Variants in COMMD5 observed in about 807,000 individuals in gnomAD.
The protein encoded by COMMD5 is COMM domain containing 5.
A neutral mutation model predicts 6.9 loss-of-function variants in COMMD5; 10 were observed. The ratio of observed to expected loss-of-function variants is 1.44; its 90% CI spans 0.89 to 2.45. The LOEUF (loss-of-function observed/expected upper bound fraction) is 2.45, where lower values mean the gene tolerates loss of function less well. COMMD5 is among the 30% of genes most tolerant of loss of function. The probability of loss-of-function intolerance (pLI) is 0.00; values close to 1 mark genes in which losing one functional copy is unlikely to be tolerated. For missense variants in COMMD5, 234 were observed against 287.8 expected, an observed-to-expected ratio of 0.81 and a Z score of 1.35; for synonymous variants, 127 against 125.3, an observed-to-expected ratio of 1.01 and a Z score of -0.09.
intron 1 of COMMD5, 65 bp from the exon 2 acceptor site, chr8:144,851,460 T>C: frequency 1.9e-6 from 2 of 1,067,622 alleles, no homozygotes; most frequent in East Asian, 2.5e-5. Flanking sequence ...GAGTGAGGGT[T>C]GATATGGTCC....
At position 144,851,309 on chromosome 8, in the gene COMMD5, G is replaced by A. The variant is rs548970524; in HGVS notation, c.30C>T (p.Tyr10=). The change falls in exon 2 of 2, where the codon TAC becomes TAT. Residue 10 remains tyrosine (Y), a synonymous_variant. Transcript: ENST00000305103. MSAVGAATP[Y]LHHPGDSHSG... is the part of the protein sequence containing the mutation. ...TGTGACTATCACCAGGATGATGCAGGTATGGAGTTGCAGCCCCCACAGCAG... is the reference window on the plus strand; with the variant it reads ...TGTGACTATCACCAGGATGATGCAGATATGGAGTTGCAGCCCCCACAGCAG... 6 of 1,612,652 alleles carry A rather than the reference G, an allele frequency of 3.7e-6. No individual in the cohort carries two copies. Among genetic ancestry groups the A allele is most frequent in the Middle Eastern group, 1.7e-4 (1 of 6,052 alleles).
rs748666726 is a variant in COMMD5 at position 144,842,007 on chromosome 8, C to T, written c.*117-264G>A. Reference sequence around the variant, plus strand: ...AACTTATTCAGCATCAAAGAATCCACACTGGGGAGAAGCCCTACAGATGTG... The same window carrying T: ...AACTTATTCAGCATCAAAGAATCCATACTGGGGAGAAGCCCTACAGATGTG... On this transcript the variant is annotated intron_variant and NMD_transcript_variant, in intron 1 of 1. Coordinates refer to the COMMD5 transcript ENST00000530332. The T allele has an allele frequency of 2.5e-5, 40 of 1,614,108 alleles. No individual in the cohort carries two copies. In the African/African-American group the frequency reaches 3.9e-4, roughly 16 times the overall value.
chr8:144,850,012 C>T (rs997298122), downstream of COMMD5, among the ~76,000 whole-genome samples: 9 of 152,146 alleles, frequency 5.9e-5, no homozygotes, highest in African/African-American at 9.6e-5. The surrounding 1 kb of genome is among the most constrained non-coding windows in gnomAD (Gnocchi z 4.0). Flanking sequence ...CCACACTGGC[C>T]GCCTGAGCCC....
chr8:144,851,257 G>A lies in COMMD5; in HGVS notation c.82C>T (p.Gln28Ter). 1 of 1,614,064 alleles carries A rather than the reference G, an allele frequency of 6.2e-7. No homozygotes were observed. Among genetic ancestry groups the A allele is most frequent in the Non-Finnish European group, 8.5e-7 (1 of 1,180,042 alleles). Residue 28 changes from glutamine (Q) to a stop codon, truncating the protein, a stop_gained, in exon 2 of 2, where the codon CAG (glutamine) becomes TAG (stop). Coordinates refer to ENST00000305103, the MANE Select transcript of COMMD5 (RefSeq NM_014066.4). LOFTEE classifies it low-confidence loss of function (END_TRUNC). ...HSGRVSFLGA[Q>*]LPPEVAAMAR... ...ATTGCTGCCACCTCTGGAGGAAGCT[G>A]GGCCCCCAAGAAACTCACTCGGCCA...
chr8:144,842,256 G>C, intron 1 of COMMD5: 1 of 1,614,074 alleles, frequency 6.2e-7, no homozygotes, highest in Non-Finnish European at 8.5e-7. Flanking sequence ...ATCAAAGGAT[G>C]CATACTGGGG....
At chr8:144,843,444 TG>T (rs1563848823) in intron 1 of COMMD5, 2 of 262,198 alleles carry the variant, frequency 7.6e-6, no homozygotes, top group Non-Finnish European at 1.4e-5. Flanking sequence ...AAAATTTAGC[TG>T]GGCGTGGTGG....
intron 1 of COMMD5, chr8:144,842,584 G>A: frequency 6.2e-7 from 1 of 1,614,216 alleles, no homozygotes; most frequent in Middle Eastern, 1.6e-4. Context: ...AATCCACACT[G>A]GAGAGAAACC....
intron 1 of COMMD5, chr8:144,842,890 T>C: frequency 6.2e-7 from 1 of 1,614,204 alleles, no homozygotes; most frequent in Non-Finnish European, 8.5e-7. Context: ...CCGGAGCTCA[T>C]ATCTTATTGA....
downstream of COMMD5, chr8:144,846,873 G>T (rs1386881572): frequency 2.0e-5 from 3 of 152,074 alleles, no homozygotes; most frequent in Non-Finnish European, 4.4e-5. Flanking sequence ...TAATTTTTTT[G>T]TATTTTTAAT....
chr8:144,851,120 GACCCC>G lies in COMMD5; in HGVS notation c.214_218del (p.Gly72GlnfsTer34). On this transcript the variant is annotated frameshift_variant, in exon 2 of 2. Transcript: ENST00000305103. LOFTEE classifies it high-confidence loss of function. Reference sequence around the variant, plus strand: ...GCTGCTCCTCCGGCAGGTTGGCGCTGACCCCAAGACGCTGCACAGCCTCTCGGCAG... The same window carrying G: ...GCTGCTCCTCCGGCAGGTTGGCGCTGAAGACGCTGCACAGCCTCTCGGCAG... 6.2e-7 allele frequency: 1 copy of G among 1,612,596 alleles called. No homozygotes were observed. Among genetic ancestry groups the G allele is most frequent in the Non-Finnish European group, 8.5e-7 (1 of 1,179,736 alleles).
At chr8:144,853,223 T>C (rs1306671433), upstream of COMMD5, 2 of 151,374 alleles carry the variant, frequency 1.3e-5, no homozygotes, top group Admixed American at 6.6e-5. Context: ...TTTTTTTTTT[T>C]CTTTCCCCAA....
At chr8:144,841,299 T>C in exon 2 of COMMD5, 1 of 1,523,100 alleles carries the variant, frequency 6.6e-7, no homozygotes, top group Admixed American at 2.0e-5. Context: ...ATTTGTAGTC[T>C]TATCATTTCT....
At position 144,850,662 on chromosome 8, in the gene COMMD5, G is replaced by A. The variant is rs1483675440; in HGVS notation, c.*2C>T. ...TCTGAATGGGACTGGTCAAGTGAGG[G>A]GTCAGTCCTGCAGTCTGCGCTCACA... On this transcript the variant is annotated 3_prime_UTR_variant, in exon 2 of 2. Coordinates refer to ENST00000305103, the MANE Select transcript of COMMD5 (RefSeq NM_014066.4). The surrounding 1 kb of genome is among the most constrained non-coding windows in gnomAD (Gnocchi z 4.0). 1 of 1,610,366 alleles carries A rather than the reference G, an allele frequency of 6.2e-7. No homozygotes were observed. Among genetic ancestry groups the A allele is most frequent in the East Asian group, 2.2e-5 (1 of 44,792 alleles).
downstream of COMMD5, chr8:144,838,430 G>C: frequency 2.4e-6 from 1 of 419,368 alleles, no homozygotes; most frequent in Non-Finnish European, 4.3e-6. Flanking sequence ...CGCCCGGCCT[G>C]GTGCTCTGCT....
intron 1 of COMMD5, chr8:144,841,861 T>C (rs1257356353): frequency 3.1e-6 from 5 of 1,614,054 alleles, no homozygotes; most frequent in East Asian, 2.2e-5. Context: ...GCCGTACGAA[T>C]GTGCAGAGTG....
Position 144,844,377 on chromosome 8 carries a change from G to C in COMMD5, c.*117-2634C>G, listed in dbSNP as rs961351833. 3.9e-5 allele frequency among the ~76,000 whole-genome samples: 6 copies of C among 152,238 alleles called. 1 individual carries two copies. The highest frequency in any genetic ancestry group is 3.3e-4 in the Admixed American group (5 of 15,280). On this transcript the variant is annotated intron_variant and NMD_transcript_variant, in intron 1 of 1. Transcript: ENST00000530332. ...TAGTTGCCCCACTTTTTTTTGGTAG[G>C]GGGGAACGCGGTGAGGAGGAAATAA...
At chr8:144,846,442 C>G (rs1358277945), downstream of COMMD5, 1 of 367,380 alleles carries the variant, frequency 2.7e-6, no homozygotes, top group East Asian at 4.5e-5. Flanking sequence ...CTTGGTGATG[C>G]CCAAGCGTCT....
At chr8:144,838,461 T>C (rs868866093), downstream of COMMD5, 26 of 336,582 alleles carry the variant, frequency 7.7e-5, 1 homozygote, top group Middle Eastern at 8.7e-4. Context: ...GCCGGTGTGC[T>C]GCCCAGCATG....
chr8:144,838,040 C>T (rs546113297), downstream of COMMD5: 15 of 696,464 alleles, frequency 2.2e-5, no homozygotes, highest in African/African-American at 1.1e-4. Flanking sequence ...ACCGGGGGGT[C>T]AGCAAGCAGG....
Sources: gnomAD v4.1 joint callset for allele counts (sites outside exome capture counted in the v4.1 genomes callset) on GRCh38, gnomAD v4.1.1 for gene constraint, Gnocchi (gnomAD v3.1) non-coding constraint, MANE v1.5 for transcripts, NCBI Gene and HGNC (gene_info 2026-07-23, HGNC 2026-07-21) for gene names.